Variants in CTNNA3 observed in about 807,000 individuals in gnomAD.
CTNNA3 encodes the protein catenin alpha 3, also known as catenin alpha-3.
Under a neutral mutation model 95.7 loss-of-function variants are expected in CTNNA3, and 76 were observed. That is an observed-to-expected ratio of 0.79 (90% CI 0.66 to 0.96). The LOEUF (loss-of-function observed/expected upper bound fraction) is 0.96, where lower values mean the gene tolerates loss of function less well. Among genes scored for constraint, CTNNA3 ranks in the 40% least tolerant of loss-of-function variants. The probability of loss-of-function intolerance (pLI) is 0.00; values close to 1 mark genes in which losing one functional copy is unlikely to be tolerated. For missense variants in CTNNA3, 1,191 were observed against 1,089.8 expected (o/e 1.09, Z -1.31); for synonymous variants, 431 against 374.4 (o/e 1.15, Z -1.74).
At chr10:66,360,664 TTCCTTCCTTCC>T (rs1564896326) in intron 12 of CTNNA3, among the ~76,000 whole-genome samples, 8 of 58,168 alleles carry the variant, frequency 1.4e-4, no homozygotes. Flanking sequence ...TCTTTCTTCC[TTCCTTCCTTCC>T]TTCCTTCCTT....
intron 12 of CTNNA3, among the ~76,000 whole-genome samples, chr10:66,304,901 A>G (rs1004125668): frequency 2.0e-5 from 3 of 152,176 alleles, no homozygotes; most frequent in Non-Finnish European, 2.9e-5. Context: ...TTAAGTACAT[A>G]TATGTTATAT....
At chr10:66,898,617 T>C (rs904036957) in intron 7 of CTNNA3, among the ~76,000 whole-genome samples, 7 of 152,190 alleles carry the variant, frequency 4.6e-5, no homozygotes, top group African/African-American at 9.6e-5. Flanking sequence ...ACAAATAATG[T>C]TGAGGAAACT....
At chr10:67,530,511 G>C (rs1419400561) in intron 4 of CTNNA3, among the ~76,000 whole-genome samples, 1 of 152,210 alleles carries the variant, frequency 6.6e-6, no homozygotes. Context: ...ACTTGAGAAA[G>C]ATGATTTAGA....
intron 7 of CTNNA3, among the ~76,000 whole-genome samples, chr10:67,085,220 C>T (rs1857236103): frequency 6.6e-6 from 1 of 151,572 alleles, no homozygotes; most frequent in Non-Finnish European, 1.5e-5. Context: ...TGATCAAAGC[C>T]ATAGTTGAAA....
chr10:66,786,918 C>T (rs1258306269), intron 7 of CTNNA3, among the ~76,000 whole-genome samples: 5 of 152,172 alleles, frequency 3.3e-5, no homozygotes, highest in Non-Finnish European at 5.9e-5. Context: ...AAGTCCAACT[C>T]TACAGCGCTG....
At chr10:66,723,230 T>C (rs1264166200) in intron 9 of CTNNA3, among the ~76,000 whole-genome samples, 1 of 152,200 alleles carries the variant, frequency 6.6e-6, no homozygotes, top group Non-Finnish European at 1.5e-5. Context: ...GGCTATGAGA[T>C]ACATGATAGT....
chr10:66,504,118 T>G (rs1468387970), intron 11 of CTNNA3, among the ~76,000 whole-genome samples: 3 of 152,150 alleles, frequency 2.0e-5, no homozygotes, highest in Non-Finnish European at 4.4e-5. Context: ...TTATTAACTA[T>G]AGTCAGCTTG....
In CTNNA3 at chr10:66,685,174, TACAC is replaced by T. The variant is rs1468400975; in HGVS notation, c.1282-63394_1282-63391del. Among the ~76,000 whole-genome samples the T allele has an allele frequency of 1.2e-3, 167 of 135,318 alleles. 1 individual carries two copies. The highest frequency in any genetic ancestry group is 4.0e-3 in the African/African-American group (147 of 36,618). 88.8% of individuals were successfully genotyped at this position (135,318 alleles called of 152,430 possible). On this transcript the variant is annotated intron_variant, in intron 9 of 17. Coordinates refer to ENST00000433211, the MANE Select transcript of CTNNA3 (RefSeq NM_013266.4). Reference sequence around the variant, plus strand: ...ATATATATACACGTATATATATATATACACATATATATATACGTGTATATATATA... The same window carrying T: ...ATATATATACACGTATATATATATATATATATATATACGTGTATATATATA...
intron 2 of CTNNA3, among the ~76,000 whole-genome samples, chr10:67,626,051 A>G (rs991929930): frequency 2.0e-5 from 3 of 151,972 alleles, no homozygotes; most frequent in Non-Finnish European, 4.4e-5. Flanking sequence ...GTGTGGTGGC[A>G]TGCATCTGTA....
intron 7 of CTNNA3, among the ~76,000 whole-genome samples, chr10:67,043,443 C>A (rs7072706): frequency 0.34 from 51,644 of 151,828 alleles, 9,323 homozygotes; most frequent in Middle Eastern, 0.55. Context: ...CTAAAAAAAT[C>A]TTTTCTGAGG....
chr10:67,486,308 C>T (rs1848446907), intron 5 of CTNNA3, among the ~76,000 whole-genome samples: 1 of 152,174 alleles, frequency 6.6e-6, no homozygotes, highest in African/African-American at 2.4e-5. Context: ...TATCTGGATT[C>T]TGATCTTCAC....
At chr10:67,599,288 C>G (rs2133364546) in intron 3 of CTNNA3, among the ~76,000 whole-genome samples, 1 of 152,286 alleles carries the variant, frequency 6.6e-6, no homozygotes, top group African/African-American at 2.4e-5. Context: ...TCCATCTCTA[C>G]CATTTCACCC....
intron 12 of CTNNA3, among the ~76,000 whole-genome samples, chr10:66,339,314 C>T (rs1156342139): frequency 6.6e-6 from 1 of 151,440 alleles, no homozygotes; most frequent in Non-Finnish European, 1.5e-5. Flanking sequence ...TTATTTATTC[C>T]AAAGCAAAGG....
chr10:66,736,126 C>T (rs573451472), intron 9 of CTNNA3, among the ~76,000 whole-genome samples: 5 of 152,260 alleles, frequency 3.3e-5, no homozygotes, highest in Admixed American at 2.6e-4. Context: ...GGGAAACAAA[C>T]ATTTATTACA....
intron 10 of CTNNA3, among the ~76,000 whole-genome samples, chr10:66,574,812 A>G (rs931562292): frequency 6.6e-6 from 1 of 152,162 alleles, no homozygotes; most frequent in African/African-American, 2.4e-5. Context: ...TGCTCATGCC[A>G]TAGCCTATGC....
At chr10:67,177,023 G>A (rs766412149) in intron 7 of CTNNA3, 1 of 469,184 alleles carries the variant, frequency 2.1e-6, no homozygotes, top group Non-Finnish European at 4.3e-6. Flanking sequence ...GACACTAAGT[G>A]TGTGGTAATT....
intron 5 of CTNNA3, among the ~76,000 whole-genome samples, chr10:67,329,583 T>C (rs1202451204): frequency 2.6e-5 from 4 of 152,222 alleles, no homozygotes; most frequent in African/African-American, 9.7e-5. Flanking sequence ...ATTTTGAATG[T>C]AGAATATACA....
Position 66,360,724 on chromosome 10 carries a change from C to T in CTNNA3, c.1732+18428G>A, listed in dbSNP as rs1253170255. Among the ~76,000 whole-genome samples the T allele has an allele frequency of 2.8e-4, 4 of 14,280 alleles. 1 individual carries two copies. The highest frequency in any genetic ancestry group is 8.1e-3 in the South Asian group (2 of 248). 9.4% of individuals were successfully genotyped at this position (14,280 alleles called of 152,430 possible). A position where few individuals can be genotyped will look rare whatever the true frequency, so the allele number is the denominator to read the frequency against. On this transcript the variant is annotated intron_variant, in intron 12 of 17. Coordinates refer to ENST00000433211, the MANE Select transcript of CTNNA3 (RefSeq NM_013266.4). ...TCTTTCTTTCCTCCTTCCTTTCTTC[C>T]TTTCTTTCTTTCTTTCTTTCTTCCT...
chr10:67,218,542 T>C (rs1019408242), intron 6 of CTNNA3, among the ~76,000 whole-genome samples: 1 of 152,186 alleles, frequency 6.6e-6, no homozygotes, highest in African/African-American at 2.4e-5. Flanking sequence ...GTCCCGCTCC[T>C]TCCCTCTTTC....
Sources: gnomAD v4.1 joint callset for allele counts (sites outside exome capture counted in the v4.1 genomes callset) on GRCh38, gnomAD v4.1.1 for gene constraint, MANE v1.5 for transcripts, NCBI Gene and HGNC (gene_info 2026-07-23, HGNC 2026-07-21) for gene names.